Variants in SYNE2 observed in about 807,000 individuals in gnomAD.
SYNE2 encodes nesprin-2.
A neutral mutation model predicts 856.3 loss-of-function variants in SYNE2; 431 were observed. That is an observed-to-expected ratio of 0.50 (90% CI 0.47 to 0.55). SYNE2 has a LOEUF of 0.55. Among genes scored for constraint, SYNE2 ranks in the 20% least tolerant of loss-of-function variants. The probability of loss-of-function intolerance (pLI) is 0.00; values close to 1 mark genes in which losing one functional copy is unlikely to be tolerated. For missense variants in SYNE2, 8,129 were observed against 8,023.2 expected, an observed-to-expected ratio of 1.01 and a Z score of -0.50; for synonymous variants, 2,923 against 2,872.3, an observed-to-expected ratio of 1.02 and a Z score of -0.56.
At chr14:64,138,085 G>GT (rs1160571746) in intron 79 of SYNE2, 102 bp downstream of exon 79, 15 of 1,365,498 alleles carry the variant, frequency 1.1e-5, no homozygotes, top group Middle Eastern at 4.9e-4. Flanking sequence ...ACCTTATGCT[G>GT]TTTTTTCTTG....
At chr14:63,788,217 G>A (rs1018455554) in intron 1 of SYNE2, among the ~76,000 whole-genome samples, 8 of 152,284 alleles carry the variant, frequency 5.3e-5, no homozygotes, top group African/African-American at 1.7e-4. Flanking sequence ...AGAAACCCGC[G>A]AGCCTGCTGG....
intron 1 of SYNE2, among the ~76,000 whole-genome samples, chr14:63,805,642 T>TGG (rs58630079): frequency 0.63 from 95,902 of 151,828 alleles, 30,742 homozygotes; most frequent in South Asian, 0.75. Flanking sequence ...TCCAAAGTGC[T>TGG]GATTACAAGC....
In SYNE2 at chr14:64,022,801, A is replaced by G. The variant is rs201327410; in HGVS notation, c.5575A>G (p.Lys1859Glu). 7.1e-5 allele frequency: 115 copies of G among 1,612,236 alleles called. No individual in the cohort carries two copies. The highest frequency in any genetic ancestry group is 9.5e-5 in the Non-Finnish European group (112 of 1,178,692). The change falls in exon 38 of 116, where the codon AAG (lysine) becomes GAG (glutamate). Residue 1859 changes from lysine to glutamate, a missense_variant. Lys to Glu is a moderately conservative substitution (Grantham distance 56). Coordinates refer to ENST00000555002, the MANE Select transcript of SYNE2 (RefSeq NM_182914.3). Reference protein sequence around the residue: ...DWFSNIKVNLKECFESSETKK... With the variant: ...DWFSNIKVNLEECFESSETKK... ...GTTCAGCAACATTAAAGTGAACCTT[A>G]AGGAGTGTTTTGAATCATCAGAAAC...
rs143677254 is a variant in SYNE2 at position 64,217,420 on chromosome 14, G to A, written c.19543-978G>A. Reference sequence around the variant, plus strand: ...CCTGGGAGGGCAGCCTAGGGCAGCAGCGAGAGAAATTAAGGAGAGAATATT... The same window carrying A: ...CCTGGGAGGGCAGCCTAGGGCAGCAACGAGAGAAATTAAGGAGAGAATATT... On this transcript the variant is annotated intron_variant, in intron 108 of 115. Coordinates refer to ENST00000555002, the MANE Select transcript of SYNE2 (RefSeq NM_182914.3). Among the ~76,000 whole-genome samples the A allele has an allele frequency of 8.1e-3, 1,231 of 152,342 alleles. 22 individuals are homozygous for A. The highest frequency in any genetic ancestry group is 0.028 in the African/African-American group (1,177 of 41,568).
intron 79 of SYNE2, among the ~76,000 whole-genome samples, chr14:64,139,416 T>TA (rs1371578155): frequency 6.9e-6 from 1 of 145,512 alleles, no homozygotes; most frequent in African/African-American, 2.5e-5. Flanking sequence ...TTATTATTAT[T>TA]TTTTTTTTTA....
chr14:64,147,361 G>A (rs1252398232), intron 84 of SYNE2, among the ~76,000 whole-genome samples: 2 of 152,082 alleles, frequency 1.3e-5, no homozygotes, highest in African/African-American at 2.4e-5. Context: ...TTTCTGAAAT[G>A]CAAAGGGTCA....
intron 6 of SYNE2, among the ~76,000 whole-genome samples, chr14:63,945,787 G>A (rs892341963): frequency 5.3e-5 from 8 of 152,242 alleles, no homozygotes; most frequent in Admixed American, 3.3e-4. Context: ...ACTATGCCCA[G>A]CTAATTCTGT....
chr14:63,992,542 A>G (rs772912477), intron 21 of SYNE2, among the ~76,000 whole-genome samples: 7 of 152,148 alleles, frequency 4.6e-5, no homozygotes, highest in Admixed American at 2.6e-4. Context: ...CGGTCTCCCA[A>G]AGTGCTGGGA....
intron 82 of SYNE2, among the ~76,000 whole-genome samples, chr14:64,143,527 C>A (rs958680695): frequency 6.6e-6 from 1 of 152,168 alleles, no homozygotes; most frequent in African/African-American, 2.4e-5. Context: ...AACTGCCATA[C>A]ATAGTGCCCC....
chr14:64,206,059 TCTC>T (rs2098603825), intron 100 of SYNE2, among the ~76,000 whole-genome samples: 3 of 152,308 alleles, frequency 2.0e-5, no homozygotes, highest in South Asian at 4.1e-4. Context: ...CTGTTTTTCT[TCTC>T]CTCAGCCACC....
intron 45 of SYNE2, among the ~76,000 whole-genome samples, chr14:64,040,676 A>G (rs1319115293): frequency 6.8e-6 from 1 of 147,910 alleles, no homozygotes; most frequent in Non-Finnish European, 1.5e-5. Flanking sequence ...ATATGTGTAT[A>G]TATTTCTGCC....
chr14:63,945,866 T>C (rs2096018006), intron 6 of SYNE2, among the ~76,000 whole-genome samples: 1 of 152,198 alleles, frequency 6.6e-6, no homozygotes, highest in Admixed American at 6.5e-5. Context: ...TTTTAGCTGC[T>C]ATGAGTAAAG....
chr14:63,981,161 A>C lies in SYNE2; in HGVS notation c.1824A>C (p.Glu608Asp). Residue 608 changes from glutamate (E) to aspartate (D), a missense_variant, in exon 16 of 116, where the codon GAA becomes GAC. By Grantham distance (45) the Glu-to-Asp change is conservative (BLOSUM62 2). Transcript: ENST00000555002. ...CTTGCTTTGAGGAGACAAAGAAGGA[A>C]GAAATTAAAGAGGTATTTGCAGTCT... is the stretch of plus-strand genomic sequence containing the variant. ...LRACFEETKK[E>D]EIKEVPFETL... 1 of 1,613,396 alleles carries C rather than the reference A, an allele frequency of 6.2e-7. No homozygotes were observed. The highest frequency in any genetic ancestry group is 8.5e-7 in the Non-Finnish European group (1 of 1,179,448).
At chr14:64,030,597 C>G (rs1161031310) in intron 44 of SYNE2, among the ~76,000 whole-genome samples, 2 of 152,194 alleles carry the variant, frequency 1.3e-5, no homozygotes, top group African/African-American at 4.8e-5. Flanking sequence ...CTCATCAACA[C>G]AAAGTTTTGC....
At chr14:64,124,569 ATAAC>A (rs1433512980) in intron 70 of SYNE2, among the ~76,000 whole-genome samples, 2 of 152,256 alleles carry the variant, frequency 1.3e-5, no homozygotes, top group East Asian at 3.9e-4. Context: ...GTATCTAAAT[ATAAC>A]TAGTCATGAC....
In SYNE2 at chr14:64,163,540, T is replaced by C; in HGVS notation, c.16438T>C (p.Tyr5480His). 6.2e-7 allele frequency: 1 copy of C among 1,614,146 alleles called. No homozygotes were observed. The highest frequency in any genetic ancestry group is 8.5e-7 in the Non-Finnish European group (1 of 1,180,032). The change falls in exon 89 of 116, where the codon TAT becomes CAT. Residue 5480 changes from tyrosine (Y) to histidine (H), a missense_variant. Physicochemically the swap from Tyr to His is moderately conservative, Grantham distance 83. Around this residue, in one of 3 missense-constraint regions of SYNE2, gnomAD observed 5,410 missense variants for 5,284.8 expected, o/e 1.02. Coordinates refer to ENST00000555002, the MANE Select transcript of SYNE2 (RefSeq NM_182914.3). ...CCTGCACTCTCTCCAGAGGGCTGCT[T>C]ATTTGGAAAAGATGCTGCTTGTGAA... ...GPLHSLQRAAYLEKMLLVKAN... is the reference protein window; with the variant it reads ...GPLHSLQRAAHLEKMLLVKAN...
At chr14:64,152,782 AGTT>A in intron 85 of SYNE2, 66 bp downstream of exon 85, 2 of 1,604,412 alleles carry the variant, frequency 1.2e-6, no homozygotes, top group South Asian at 2.2e-5. Context: ...TTGTCGTTGT[AGTT>A]GTTTTCGTCC....
At position 64,146,093 on chromosome 14, in the gene SYNE2, A is replaced by G. The variant is rs2098184385; in HGVS notation, c.15509A>G (p.Glu5170Gly). 1 of 1,590,348 alleles carries G rather than the reference A, an allele frequency of 6.3e-7. No homozygotes were observed. The highest frequency in any genetic ancestry group is 8.6e-7 in the Non-Finnish European group (1 of 1,164,284). Residue 5170 changes from glutamate to glycine, a missense_variant, in exon 84 of 116, where the codon GAA becomes GGA. By Grantham distance (98) the Glu-to-Gly change is moderately conservative. Transcript: ENST00000555002. ...RKIQHLEQLL[E>G]SITESENKIQ... ...ATACAACATTTAGAACAACTTCTAGAAAGTATCACTGAGAGTGAAAATAAA... is the reference window on the plus strand; with the variant it reads ...ATACAACATTTAGAACAACTTCTAGGAAGTATCACTGAGAGTGAAAATAAA...
At chr14:63,766,869 G>T (rs1457172593) in intron 1 of SYNE2, among the ~76,000 whole-genome samples, 1 of 152,086 alleles carries the variant, frequency 6.6e-6, no homozygotes, top group Admixed American at 6.6e-5. Flanking sequence ...AATGACGTTG[G>T]GATTGAAGGT....
Sources: gnomAD v4.1 joint callset for allele counts (sites outside exome capture counted in the v4.1 genomes callset) on GRCh38, gnomAD v4.1.1 for gene constraint, gnomAD v4.1.1 regional missense constraint, MANE v1.5 for transcripts, NCBI Gene and HGNC (gene_info 2026-07-23, HGNC 2026-07-21) for gene names.